SIPA1L2: variants seen among roughly 807,000 people sequenced by gnomAD.
SIPA1L2 encodes signal induced proliferation associated 1 like 2.
A neutral mutation model predicts 163.9 loss-of-function variants in SIPA1L2; 56 were observed. That is an observed-to-expected ratio of 0.34 (90% CI 0.28 to 0.43). The LOEUF (loss-of-function observed/expected upper bound fraction) is 0.43. Ranked by LOEUF, SIPA1L2 falls within the 20% of genes least tolerant of loss-of-function variation. The pLI, the probability that SIPA1L2 is intolerant of heterozygous loss-of-function variation, is 1.00. For synonymous variants in SIPA1L2, 877 were observed against 865.7 expected (o/e 1.01, Z -0.23); for missense variants, 1,974 against 2,193.5 (o/e 0.90, Z 2.00).
chr1:232,505,696 GCTGAAT>G (rs971185259), intron 3 of SIPA1L2, among the ~76,000 whole-genome samples: 12 of 152,166 alleles, frequency 7.9e-5, no homozygotes, highest in Admixed American at 1.3e-4. Context: ...AGCCCTTGGT[GCTGAAT>G]CTCATGTGTA....
chr1:232,458,169 A>T (rs1396905047), intron 10 of SIPA1L2, among the ~76,000 whole-genome samples: 1 of 152,152 alleles, frequency 6.6e-6, no homozygotes, highest in Non-Finnish European at 1.5e-5. Flanking sequence ...ATTGGGAAAA[A>T]AAACCCTGTA....
At chr1:232,572,095 C>T (rs1214126811) in intron 2 of SIPA1L2, among the ~76,000 whole-genome samples, 1 of 152,154 alleles carries the variant, frequency 6.6e-6, no homozygotes. Flanking sequence ...CGTCTGTATA[C>T]ACCTGACTAA....
intron 1 of SIPA1L2, among the ~76,000 whole-genome samples, chr1:232,617,811 C>T (rs1034646289): frequency 6.6e-6 from 1 of 152,198 alleles, no homozygotes; most frequent in African/African-American, 2.4e-5. Flanking sequence ...GAATGATACA[C>T]TTAAGATTTG....
rs564656271 is a variant in SIPA1L2, at chr1:232,511,573, C to T, written c.1483+2284G>A. 4.6e-5 allele frequency among the ~76,000 whole-genome samples: 7 copies of T among 152,204 alleles called. No homozygotes were observed. In the South Asian group the frequency reaches 1.5e-3, roughly 32 times the overall value. ...AGACAAATTCTTTTAAGTCTATACT[C>T]CATGAGAAAAAGTAATAAACAGGCT... On this transcript the variant is annotated intron_variant, in intron 3 of 22. Coordinates refer to ENST00000674635, the MANE Select transcript of SIPA1L2 (RefSeq NM_020808.5).
chr1:232,569,615 C>A (rs1659602896), intron 2 of SIPA1L2, among the ~76,000 whole-genome samples: 1 of 152,182 alleles, frequency 6.6e-6, no homozygotes, highest in African/African-American at 2.4e-5. Context: ...GAGTTCGAGA[C>A]CAGCCTGGCC....
At chr1:232,502,594 C>T (rs975557755) in intron 3 of SIPA1L2, among the ~76,000 whole-genome samples, 3 of 152,154 alleles carry the variant, frequency 2.0e-5, no homozygotes, top group Admixed American at 2.0e-4. Context: ...TTCATGCCTA[C>T]CTTGCCAATC....
intron 2 of SIPA1L2, among the ~76,000 whole-genome samples, chr1:232,548,373 C>G (rs954244946): frequency 6.6e-6 from 1 of 152,198 alleles, no homozygotes; most frequent in Non-Finnish European, 1.5e-5. Context: ...CATTCGCCAC[C>G]TCCATTTGCT....
chr1:232,586,795 A>T (rs987974539), intron 1 of SIPA1L2, among the ~76,000 whole-genome samples: 51 of 152,260 alleles, frequency 3.3e-4, no homozygotes, highest in Non-Finnish European at 8.8e-5. Flanking sequence ...GTGAAACAGG[A>T]GTCTTTGTCA....
chr1:232,516,560 C>T (rs1667228450), intron 2 of SIPA1L2, among the ~76,000 whole-genome samples: 1 of 152,106 alleles, frequency 6.6e-6, no homozygotes, highest in Non-Finnish European at 1.5e-5. Context: ...TTTGCCATAT[C>T]CTAAAATATC....
chr1:232,415,872 G>GAGTC (rs769157454), intron 18 of SIPA1L2: 3 of 314,592 alleles, frequency 9.5e-6, no homozygotes, highest in Non-Finnish European at 1.0e-5. Flanking sequence ...GTCCCTCCCA[G>GAGTC]AGTCAGTCAG....
chr1:232,569,670 G>A (rs574153981), intron 2 of SIPA1L2, among the ~76,000 whole-genome samples: 11 of 152,254 alleles, frequency 7.2e-5, no homozygotes, highest in African/African-American at 2.6e-4. Context: ...AAAATTAGCT[G>A]GGCGTGGTGG....
chr1:232,629,571 C>T (rs867440566), intron 1 of SIPA1L2, among the ~76,000 whole-genome samples: 2 of 152,354 alleles, frequency 1.3e-5, no homozygotes, highest in African/African-American at 4.8e-5. Context: ...GAAGACCCTC[C>T]TCAGTGCCTG....
chr1:232,418,229 G>C (rs1212507822), intron 18 of SIPA1L2, among the ~76,000 whole-genome samples: 1 of 152,180 alleles, frequency 6.6e-6, no homozygotes, highest in Non-Finnish European at 1.5e-5. Context: ...AAATAACACA[G>C]TAGACAAGAG....
chr1:232,483,846 G>C lies in SIPA1L2; in HGVS notation c.1927C>G (p.Gln643Glu). 5 of 1,613,996 alleles carry C rather than the reference G, an allele frequency of 3.1e-6. No homozygotes were observed. Among genetic ancestry groups the C allele is most frequent in the Non-Finnish European group, 4.2e-6 (5 of 1,179,952 alleles). ...CTAAATCCTTTCAGTCGGACTCTCT[G>C]GCCCAGAAGATCAAGGAATTCTTCA... ...AFEEFLDLLG[Q>E]RVRLKGFSKY... Residue 643 changes from glutamine (Q) to glutamate (E), a missense_variant, in exon 6 of 23, where the codon CAG becomes GAG. By Grantham distance (29) the Gln-to-Glu change is conservative. Around this residue, in one of 3 missense-constraint regions of SIPA1L2, gnomAD observed 288 missense variants for 418.9 expected, o/e 0.69. Coordinates refer to ENST00000674635, the MANE Select transcript of SIPA1L2 (RefSeq NM_020808.5).
In SIPA1L2 at chr1:232,588,605, C is replaced by T. The variant is rs183771068; in HGVS notation, c.-318-14383G>A. Among the ~76,000 whole-genome samples the T allele has an allele frequency of 8.2e-4, 125 of 152,290 alleles. 1 individual carries two copies. The highest frequency in any genetic ancestry group is 5.0e-3 in the South Asian group (24 of 4,830). ...TCGACCAAACTTTGAGATACCACTT[C>T]TCTAGTGTTATATCAAAGAAGATCC... On this transcript the variant is annotated intron_variant, in intron 1 of 22. Transcript: ENST00000674635.
intron 16 of SIPA1L2, among the ~76,000 whole-genome samples, chr1:232,431,799 GC>G (rs549782948): frequency 4.1e-4 from 63 of 152,098 alleles, no homozygotes; most frequent in Admixed American, 1.4e-3. Flanking sequence ...TGCCCACCAC[GC>G]CCCCCTCAAC....
rs552340506 is a variant in SIPA1L2, at chr1:232,483,855, G to T, written c.1918C>A (p.Leu640Ile). The stretch of plus-strand genomic sequence containing the variant: ...TTCAGTCGGACTCTCTGGCCCAGAA[G>T]ATCAAGGAATTCTTCAAAAGCTGGT... ...AGPAFEEFLD[L>I]LGQRVRLKGF... Residue 640 changes from leucine to isoleucine, a missense_variant, in exon 6 of 23, where the codon CTT becomes ATT. Physicochemically the swap from Leu to Ile is conservative, Grantham distance 5 (BLOSUM62 2). Coordinates refer to ENST00000674635, the MANE Select transcript of SIPA1L2 (RefSeq NM_020808.5). 3.1e-6 allele frequency: 5 copies of T among 1,614,060 alleles called. No homozygotes were observed. The East Asian group carries it at 1.1e-4, about 36-fold the overall frequency.
intron 1 of SIPA1L2, among the ~76,000 whole-genome samples, chr1:232,591,197 TAAAC>T (rs1472851166): frequency 1.3e-5 from 2 of 152,374 alleles, no homozygotes; most frequent in East Asian, 3.9e-4. Flanking sequence ...AAGAGTTAGT[TAAAC>T]AAAAATTAGT....
intron 2 of SIPA1L2, among the ~76,000 whole-genome samples, chr1:232,563,955 T>TCG (rs1659198209): frequency 1.7e-5 from 2 of 116,700 alleles, no homozygotes; most frequent in Non-Finnish European, 3.4e-5. Flanking sequence ...TTTTTTTTTT[T>TCG]CGTGTGTGTG....
Sources: allele counts gnomAD v4.1 joint callset (sites outside exome capture counted in the v4.1 genomes callset), GRCh38; gene constraint gnomAD v4.1.1; regional missense constraint gnomAD v4.1.1; transcripts MANE v1.5; gene names NCBI Gene and HGNC (gene_info 2026-07-23, HGNC 2026-07-21).